The following INSR variants were observed in gnomAD, a reference collection of about 807,000 sequenced individuals.
INSR encodes the protein IR.
Under a neutral mutation model 142.6 loss-of-function variants are expected in INSR, and 67 were observed. The ratio of observed to expected loss-of-function variants is 0.47; its 90% CI spans 0.39 to 0.58. INSR has a LOEUF of 0.58. INSR is among the 20% of genes least tolerant of loss of function. The pLI is 0.00. For synonymous variants in INSR, 756 were observed against 743.1 expected (o/e 1.02, Z -0.28); for missense variants, 1,248 against 1,833.2 (o/e 0.68, Z 5.83).
At chr19:7,257,986 C>G (rs1283146094) in intron 2 of INSR, among the ~76,000 whole-genome samples, 1 of 152,194 alleles carries the variant, frequency 6.6e-6, no homozygotes, top group African/African-American at 2.4e-5. Context: ...CCACGCTCAG[C>G]TAATGTTTGT....
chr19:7,164,101 A>AAT (rs1973832591), intron 8 of INSR, among the ~76,000 whole-genome samples: 2 of 140,624 alleles, frequency 1.4e-5, no homozygotes, highest in South Asian at 4.2e-4. Context: ...TTAAAAAAAA[A>AAT]AAAAAAAAAA....
intron 2 of INSR, among the ~76,000 whole-genome samples, chr19:7,234,549 T>C (rs1160906364): frequency 6.6e-6 from 1 of 152,130 alleles, no homozygotes; most frequent in African/African-American, 2.4e-5. Context: ...GTAGGTTATG[T>C]ACAAACACTA....
intron 2 of INSR, among the ~76,000 whole-genome samples, chr19:7,199,028 C>T (rs1974874271): frequency 1.3e-5 from 2 of 151,628 alleles, no homozygotes; most frequent in Non-Finnish European, 1.5e-5. Flanking sequence ...GGACTACAGG[C>T]GTGCATCACT....
intron 2 of INSR, among the ~76,000 whole-genome samples, chr19:7,224,110 AT>A (rs1347862421): frequency 6.6e-6 from 1 of 151,640 alleles, no homozygotes; most frequent in African/African-American, 2.4e-5. Flanking sequence ...CACCCAGCTA[AT>A]TTTTGTATTT....
intron 2 of INSR, among the ~76,000 whole-genome samples, chr19:7,235,387 C>A (rs987019499): frequency 1.3e-5 from 2 of 152,142 alleles, no homozygotes; most frequent in African/African-American, 4.8e-5. Context: ...TCGCTCTCAA[C>A]TCTCTCACAG....
At chr19:7,259,864 C>T (rs1977006742) in intron 2 of INSR, among the ~76,000 whole-genome samples, 2 of 151,652 alleles carry the variant, frequency 1.3e-5, no homozygotes, top group Middle Eastern at 3.4e-3. Flanking sequence ...TCAAGTCCAG[C>T]GTGGTGGCTC....
chr19:7,270,512 G>T (rs1228983046), intron 1 of INSR, among the ~76,000 whole-genome samples: 1 of 152,108 alleles, frequency 6.6e-6, no homozygotes, highest in Non-Finnish European at 1.5e-5. Flanking sequence ...AGCAGTTTGG[G>T]AGGCCACAGT....
At chr19:7,255,032 G>A (rs1275155299) in intron 2 of INSR, among the ~76,000 whole-genome samples, 13 of 80,216 alleles carry the variant, frequency 1.6e-4, no homozygotes, top group East Asian at 3.6e-4. Context: ...CCCGGTCCCC[G>A]CACCCACCCG....
rs1479222469 is a variant in INSR at position 7,146,472 on chromosome 19, C to A, written c.2268-3382G>T. ...GACCAGAATGTTCTCAATCTCTTGA[C>A]CTTGTGATCCGCCCCCCACCTCAGC... is the stretch of plus-strand genomic sequence containing the variant. On this transcript the variant is annotated intron_variant, in intron 11 of 21. Transcript: ENST00000302850. 4.6e-5 allele frequency among the ~76,000 whole-genome samples: 7 copies of A among 152,052 alleles called. No homozygotes were observed. The East Asian group carries it at 9.7e-4, about 21-fold the overall frequency.
intron 13 of INSR, among the ~76,000 whole-genome samples, chr19:7,136,762 T>A (rs1447896091): frequency 6.6e-6 from 1 of 151,726 alleles, no homozygotes; most frequent in East Asian, 1.9e-4. Flanking sequence ...GCCAACAATG[T>A]CCTTAATTAC....
chr19:7,191,665 A>T (rs1974592195), intron 2 of INSR, among the ~76,000 whole-genome samples: 1 of 152,078 alleles, frequency 6.6e-6, no homozygotes, highest in Non-Finnish European at 1.5e-5. Flanking sequence ...CTACAAAAAT[A>T]AAAAAATTAG....
intron 10 of INSR, 76 bp downstream of exon 10, chr19:7,152,650 G>T: frequency 2.5e-6 from 3 of 1,214,136 alleles, no homozygotes; most frequent in Non-Finnish European, 3.7e-6. Context: ...ACTACCTCTC[G>T]GTCCCTAAGT....
rs1290208962 is a variant in INSR at position 7,257,774 on chromosome 19, GC to G, written c.652+9570del. Among the ~76,000 whole-genome samples the G allele has an allele frequency of 7.2e-5, 11 of 152,236 alleles. No individual in the cohort carries two copies. The East Asian group carries it at 2.1e-3, about 30-fold the overall frequency. On this transcript the variant is annotated intron_variant, in intron 2 of 21. Transcript: ENST00000302850. ...GGGCAGCTGGGCTGTATGGCCTCAG[GC>G]CGTGGTGCTCCCAAGTCCCACTGAA...
At chr19:7,250,801 A>G (rs1976704611) in intron 2 of INSR, among the ~76,000 whole-genome samples, 1 of 152,160 alleles carries the variant, frequency 6.6e-6, no homozygotes, top group Non-Finnish European at 1.5e-5. Flanking sequence ...CTGAAATGGT[A>G]CTTGTTAAAT....
At chr19:7,264,334 AAAAC>A (rs745476658) in intron 2 of INSR, among the ~76,000 whole-genome samples, 2 of 152,126 alleles carry the variant, frequency 1.3e-5, no homozygotes, top group Admixed American at 6.5e-5. Flanking sequence ...CTCTGTCTCA[AAAAC>A]AAACAAACAA....
At chr19:7,289,723 G>C (rs1968441341) in intron 1 of INSR, among the ~76,000 whole-genome samples, 1 of 152,028 alleles carries the variant, frequency 6.6e-6, no homozygotes, top group African/African-American at 2.4e-5. Context: ...ATTGAACAAA[G>C]AGAGGAGAAA....
At chr19:7,237,609 A>G (rs1406491820) in intron 2 of INSR, among the ~76,000 whole-genome samples, 1 of 151,826 alleles carries the variant, frequency 6.6e-6, no homozygotes, top group African/African-American at 2.4e-5. Context: ...AGGTCAGGAG[A>G]TCGAGACCAT....
At chr19:7,271,675 C>G (rs939361566) in intron 1 of INSR, among the ~76,000 whole-genome samples, 1 of 152,110 alleles carries the variant, frequency 6.6e-6, no homozygotes. Flanking sequence ...ACTATACGTC[C>G]ACACAAAGAC....
At chr19:7,144,442 C>G (rs923544593) in intron 11 of INSR, among the ~76,000 whole-genome samples, 5 of 152,136 alleles carry the variant, frequency 3.3e-5, no homozygotes, top group Admixed American at 2.0e-4. Flanking sequence ...TCACTCTTGT[C>G]GCCCAGGCTG....
Sources: allele counts gnomAD v4.1 joint callset (sites outside exome capture counted in the v4.1 genomes callset), GRCh38; gene constraint gnomAD v4.1.1; transcripts MANE v1.5; gene names NCBI Gene and HGNC (gene_info 2026-07-23, HGNC 2026-07-21).